The following LBH variants were observed in gnomAD, a reference collection of about 807,000 sequenced individuals.
LBH encodes the protein LBH regulator of Wnt signaling pathway, also known as protein LBH.
A neutral mutation model predicts 12.5 loss-of-function variants in LBH; 7 were observed. The observed-to-expected ratio is 0.56, with a 90% confidence interval of 0.32 to 1.05. The LOEUF is 1.05. Among genes scored for constraint, LBH ranks in the 50% least tolerant of loss-of-function variants. The probability of loss-of-function intolerance (pLI) is 0.04; values close to 1 mark genes in which losing one functional copy is unlikely to be tolerated. For missense variants in LBH, 119 were observed against 138.9 expected (o/e 0.86, Z 0.72); for synonymous variants, 51 against 50.1 (o/e 1.02, Z -0.08).
At chr2:30,234,259 T>C in intron 1 of LBH, 146 bp from the exon 2 acceptor site, 4 of 656,492 alleles carry the variant, frequency 6.1e-6, no homozygotes, top group South Asian at 1.8e-5. Flanking sequence ...CCTCAGGGTG[T>C]GAGCTTGTTT....
At chr2:30,232,250 G>GC in intron 1 of LBH, 1 of 457,010 alleles carries the variant, frequency 2.2e-6, no homozygotes, top group Non-Finnish European at 4.1e-6. Flanking sequence ...GTGGGGGGCG[G>GC]GAAACGCTCT....
At chr2:30,249,249 G>A (rs1677931099) in intron 2 of LBH, among the ~76,000 whole-genome samples, 1 of 152,254 alleles carries the variant, frequency 6.6e-6, no homozygotes, top group South Asian at 2.1e-4. Flanking sequence ...CAGGAGGCAA[G>A]TATTTCAAAG....
At chr2:30,248,594 A>G (rs1677918105) in intron 2 of LBH, among the ~76,000 whole-genome samples, 3 of 152,194 alleles carry the variant, frequency 2.0e-5, no homozygotes, top group Admixed American at 2.0e-4. Context: ...TGTGCCACCC[A>G]CAGATGCCTG....
intron 2 of LBH, among the ~76,000 whole-genome samples, chr2:30,246,655 G>A (rs889020134): frequency 6.6e-6 from 1 of 152,172 alleles, no homozygotes; most frequent in African/African-American, 2.4e-5. Flanking sequence ...GTATGTGTTG[G>A]TTGTTGGTTG....
chr2:30,242,347 G>A (rs1366354598), intron 2 of LBH, among the ~76,000 whole-genome samples: 3 of 151,952 alleles, frequency 2.0e-5, no homozygotes, highest in Admixed American at 6.6e-5. Context: ...GGGTTCAAGC[G>A]ATTCTCCTGC....
At chr2:30,245,211 GA>G (rs1677851350) in intron 2 of LBH, among the ~76,000 whole-genome samples, 1 of 152,160 alleles carries the variant, frequency 6.6e-6, no homozygotes, top group Non-Finnish European at 1.5e-5. Context: ...GAGAAAGTAA[GA>G]ATACAAGATT....
intron 2 of LBH, among the ~76,000 whole-genome samples, chr2:30,250,991 TA>T (rs1168516734): frequency 1.3e-5 from 2 of 150,312 alleles, no homozygotes; most frequent in African/African-American, 4.9e-5. Flanking sequence ...TTTCTATTAA[TA>T]AAAATTAAAT....
At position 30,231,656 on chromosome 2, in the gene LBH, G is replaced by T. The variant is rs561720158; in HGVS notation, c.-83G>T. The T allele has an allele frequency of 1.3e-5, 18 of 1,415,566 alleles. No individual in the cohort carries two copies. In the African/African-American group the frequency reaches 2.0e-4, roughly 16 times the overall value. The allele number at this position is 1,415,566 out of a possible 1,614,324, so 87.7% of individuals were successfully genotyped here. ...CCGCACTCGGCCGCCTGCCGTGCCC[G>T]TCTGCGCCCGTGTCATCCTCACTCG... On this transcript the variant is annotated 5_prime_UTR_variant, in exon 1 of 3. Transcript: ENST00000395323.
At chr2:30,248,011 A>C (rs1436776217) in intron 2 of LBH, among the ~76,000 whole-genome samples, 4 of 152,234 alleles carry the variant, frequency 2.6e-5, no homozygotes, top group Non-Finnish European at 5.9e-5. Flanking sequence ...TCCCTCACTG[A>C]AAGGATCTTG....
rs1678130152 is a variant in LBH at position 30,258,750 on chromosome 2, G to A, written c.*1129G>A. The stretch of plus-strand genomic sequence containing the variant: ...ACGTGGCTTTTTATGTGTCTTGTTG[G>A]GGAGGTGACTTGCATGGTGGGGACA... On this transcript the variant is annotated 3_prime_UTR_variant, in exon 3 of 3. Transcript: ENST00000395323. 6.6e-6 allele frequency: 1 copy of A among 152,398 alleles called. No homozygotes were observed. Among genetic ancestry groups the A allele is most frequent in the East Asian group, 1.9e-4 (1 of 5,196 alleles). The allele number at this position is 152,398 out of a possible 1,614,324, so 9.4% of individuals were successfully genotyped here. A position where few individuals can be genotyped will look rare whatever the true frequency, so the allele number is the denominator to read the frequency against.
Position 30,241,711 on chromosome 2 carries a change from C to G in LBH, c.129+7204C>G, listed in dbSNP as rs572289544. ...TTCCTGACCTCAAGTGATCCTCCCC[C>G]CTCAGCCTCCCCAAAGTGCCAGGAT... is the stretch of plus-strand genomic sequence containing the variant. On this transcript the variant is annotated intron_variant, in intron 2 of 2. Coordinates refer to ENST00000395323, the MANE Select transcript of LBH (RefSeq NM_030915.4). Among the ~76,000 whole-genome samples the G allele has an allele frequency of 2.2e-4, 33 of 152,232 alleles. No individual in the cohort carries two copies. The South Asian group carries it at 6.2e-3, about 29-fold the overall frequency.
chr2:30,246,729 CTCTT>C (rs778438988), intron 2 of LBH, among the ~76,000 whole-genome samples: 1 of 104,466 alleles, frequency 9.6e-6, no homozygotes, highest in Admixed American at 1.1e-4. Flanking sequence ...AGTTTTTTTC[CTCTT>C]TCTTTCTCTC....
intron 2 of LBH, among the ~76,000 whole-genome samples, chr2:30,237,418 C>T (rs938797771): frequency 6.9e-6 from 1 of 145,282 alleles, no homozygotes; most frequent in African/African-American, 2.6e-5. Context: ...GCATTTTGTA[C>T]TTGCCAATGA....
chr2:30,256,763 T>A (rs1433348517), intron 2 of LBH: 1 of 153,110 alleles, frequency 6.5e-6, no homozygotes, highest in African/African-American at 2.4e-5. Flanking sequence ...CCTGACCTCG[T>A]GATCCACCTG....
chr2:30,253,366 T>A (rs1678021589), intron 2 of LBH, among the ~76,000 whole-genome samples: 2 of 152,230 alleles, frequency 1.3e-5, no homozygotes, highest in African/African-American at 4.8e-5. Context: ...TTCTGGGTAC[T>A]TTTTGTGTTT....
chr2:30,250,625 C>A (rs1677962372), intron 2 of LBH, among the ~76,000 whole-genome samples: 1 of 151,840 alleles, frequency 6.6e-6, no homozygotes, highest in Non-Finnish European at 1.5e-5. Context: ...GGTCACCTGG[C>A]ATGGAGGCAG....
chr2:30,251,090 C>T (rs1396182758), intron 2 of LBH, among the ~76,000 whole-genome samples: 42 of 85,492 alleles, frequency 4.9e-4, no homozygotes, highest in African/African-American at 1.7e-3. Context: ...GGTCTTGTTT[C>T]GTCACCCAGG....
chr2:30,235,310 G>T (rs1558385221), intron 2 of LBH, among the ~76,000 whole-genome samples: 1 of 152,294 alleles, frequency 6.6e-6, no homozygotes, highest in Middle Eastern at 3.4e-3. Context: ...GTTAAACTGG[G>T]GGGAGGGAGG....
chr2:30,237,754 G>A (rs899276099), intron 2 of LBH, among the ~76,000 whole-genome samples: 4 of 152,192 alleles, frequency 2.6e-5, no homozygotes, highest in Non-Finnish European at 5.9e-5. Flanking sequence ...CCAGTGCCTT[G>A]TTTTGTAGTA....
Sources: gnomAD v4.1 joint callset for allele counts (sites outside exome capture counted in the v4.1 genomes callset) on GRCh38, gnomAD v4.1.1 for gene constraint, MANE v1.5 for transcripts, NCBI Gene and HGNC (gene_info 2026-07-23, HGNC 2026-07-21) for gene names.